The following GLIS3 variants were observed in gnomAD, a reference collection of about 807,000 sequenced individuals.
GLIS3 encodes the protein GLIS family zinc finger 3.
GLIS3 carries 53 observed loss-of-function variants against 78.6 expected under a neutral mutation model. The observed-to-expected ratio is 0.67, with a 90% CI of 0.54 to 0.85. The LOEUF is 0.85. Ranked by LOEUF, GLIS3 falls within the 40% of genes least tolerant of loss-of-function variation. GLIS3 has a pLI of 0.00. For synonymous variants in GLIS3, 684 were observed against 509.9 expected (o/e 1.34, Z -4.60); for missense variants, 1,703 against 1,231.1 (o/e 1.38, Z -5.74).
rs1260523494 is a variant in GLIS3 at position 4,189,821 on chromosome 9, G to GT, written c.389-63881_389-63880insA. Among the ~76,000 whole-genome samples, 491 of 151,398 alleles carry GT rather than the reference G, an allele frequency of 3.2e-3. 1 individual carries two copies. The highest frequency in any genetic ancestry group is 0.011 in the African/African-American group (467 of 40,766). The stretch of plus-strand genomic sequence containing the variant: ...ATCAGAGACTAGGATTGCAACCCCT[G>GT]CCTTTTTTTTTGTTTTCCATTTGCT... On this transcript the variant is annotated intron_variant, in intron 2 of 10. Transcript: ENST00000381971.
At chr9:4,475,202 G>A in the GLIS3 span, among the ~76,000 whole-genome samples, 1 of 152,028 alleles carries the variant, frequency 6.6e-6, no homozygotes, top group African/African-American at 2.4e-5. Context: ...AGTGAATAAT[G>A]AGAAAGGGTA....
chr9:4,038,490 C>A (rs1044659969), intron 4 of GLIS3, among the ~76,000 whole-genome samples: 1 of 152,206 alleles, frequency 6.6e-6, no homozygotes, highest in Admixed American at 6.5e-5. Context: ...TGTAAAGAGA[C>A]TGACGTATGG....
chr9:3,915,283 CA>C (rs755716940), intron 6 of GLIS3, among the ~76,000 whole-genome samples: 4 of 151,996 alleles, frequency 2.6e-5, no homozygotes, highest in African/African-American at 9.7e-5. Flanking sequence ...AATCCCCTCT[CA>C]AAAAAACAAA....
intron 4 of GLIS3, among the ~76,000 whole-genome samples, chr9:4,096,947 G>C (rs187513203): frequency 6.6e-6 from 1 of 152,302 alleles, no homozygotes; most frequent in East Asian, 1.9e-4. Context: ...AGGAGGCAGA[G>C]GTGGCAGTGA....
the GLIS3 span, among the ~76,000 whole-genome samples, chr9:4,383,417 C>T: frequency 1.3e-5 from 2 of 152,126 alleles, no homozygotes; most frequent in Non-Finnish European, 2.9e-5. Context: ...CATGGATAAG[C>T]AAACTAATGT....
intron 6 of GLIS3, among the ~76,000 whole-genome samples, chr9:3,913,771 A>G (rs1824304964): frequency 6.6e-6 from 1 of 152,230 alleles, no homozygotes. Flanking sequence ...GCTATTTAGA[A>G]ATTATATCAA....
chr9:4,182,853 C>A lies in GLIS3; in HGVS notation c.389-56912G>T, dbSNP rs529265695. ...TACCATGAGTAAAAGCATCTGAGTG[C>A]TCTCTATGTATCACCCTGTCTGATT... On this transcript the variant is annotated intron_variant, in intron 2 of 10. Transcript: ENST00000381971. Among the ~76,000 whole-genome samples, 5 of 152,300 alleles carry A rather than the reference C, an allele frequency of 3.3e-5. No homozygotes were observed. The East Asian group carries it at 9.7e-4, about 29-fold the overall frequency.
chr9:3,892,674 T>A (rs1349372050), intron 7 of GLIS3, among the ~76,000 whole-genome samples: 1 of 151,752 alleles, frequency 6.6e-6, no homozygotes, highest in African/African-American at 2.4e-5. Context: ...TAGGAACAGT[T>A]TTTTTTTTCT....
chr9:4,017,273 G>C (rs1822517166), intron 4 of GLIS3, among the ~76,000 whole-genome samples: 1 of 152,174 alleles, frequency 6.6e-6, no homozygotes, highest in African/African-American at 2.4e-5. Flanking sequence ...ATTAGTCAGA[G>C]TGGTTTAACT....
the GLIS3 span, among the ~76,000 whole-genome samples, chr9:4,425,382 G>T: frequency 2.0e-5 from 3 of 152,166 alleles, no homozygotes; most frequent in African/African-American, 4.8e-5. Flanking sequence ...ATGAATCAAA[G>T]GATTTGCCTG....
At chr9:4,020,154 G>A (rs1270226618) in intron 4 of GLIS3, among the ~76,000 whole-genome samples, 2 of 152,144 alleles carry the variant, frequency 1.3e-5, no homozygotes, top group Non-Finnish European at 2.9e-5. Flanking sequence ...AACAGGAGAA[G>A]AGAGTTCAAA....
At chr9:4,482,559 C>T in the GLIS3 span, among the ~76,000 whole-genome samples, 3 of 152,110 alleles carry the variant, frequency 2.0e-5, no homozygotes, top group Non-Finnish European at 4.4e-5. Flanking sequence ...CACTTGCCAC[C>T]GCATGAGGAC....
chr9:4,450,199 A>G, the GLIS3 span, among the ~76,000 whole-genome samples: 3 of 152,250 alleles, frequency 2.0e-5, no homozygotes, highest in Non-Finnish European at 4.4e-5. Flanking sequence ...TATGTGATGC[A>G]TACACAAACT....
At chr9:4,120,989 G>C (rs1343525437) in intron 3 of GLIS3, among the ~76,000 whole-genome samples, 3 of 152,150 alleles carry the variant, frequency 2.0e-5, no homozygotes, top group African/African-American at 2.4e-5. Flanking sequence ...TGCACATAAA[G>C]CCATGCAGGC....
chr9:4,359,988 T>C, the GLIS3 span, among the ~76,000 whole-genome samples: 1 of 151,856 alleles, frequency 6.6e-6, no homozygotes, highest in African/African-American at 2.4e-5. Context: ...ATACATATAA[T>C]GTATTTTAAG....
At chr9:4,137,687 C>G (rs1368076447) in intron 2 of GLIS3, among the ~76,000 whole-genome samples, 1 of 152,188 alleles carries the variant, frequency 6.6e-6, no homozygotes, top group Non-Finnish European at 1.5e-5. Flanking sequence ...TCCCATCCGT[C>G]AGCTATTGTA....
chr9:4,255,338 T>G (rs1824822708), intron 2 of GLIS3, among the ~76,000 whole-genome samples: 1 of 152,196 alleles, frequency 6.6e-6, no homozygotes, highest in South Asian at 2.1e-4. Context: ...CCTTACCATA[T>G]GTCCCAGTGA....
intron 1 of GLIS3, among the ~76,000 whole-genome samples, chr9:4,297,461 C>T (rs1367998953): frequency 6.6e-5 from 10 of 152,178 alleles, no homozygotes; most frequent in Admixed American, 6.5e-4. Flanking sequence ...ACTAAAGGGA[C>T]CTGGTCCACT....
At chr9:4,298,099 T>A (rs1587358047) in intron 1 of GLIS3, among the ~76,000 whole-genome samples, 1 of 152,156 alleles carries the variant, frequency 6.6e-6, no homozygotes, top group South Asian at 2.1e-4. Flanking sequence ...CGGCTTCCTG[T>A]TGTGCAACTC....
Sources: gnomAD v4.1 joint callset for allele counts (sites outside exome capture counted in the v4.1 genomes callset) on GRCh38, gnomAD v4.1.1 for gene constraint, MANE v1.5 for transcripts, NCBI Gene and HGNC (gene_info 2026-07-23, HGNC 2026-07-21) for gene names.